Variants in PTCD2 observed in about 807,000 individuals in gnomAD.
PTCD2 encodes pentatricopeptide repeat domain 2.
Under a neutral mutation model 42.6 loss-of-function variants are expected in PTCD2, and 31 were observed. That is an observed-to-expected ratio of 0.73 (90% CI 0.55 to 0.98). The LOEUF is 0.98. Ranked by LOEUF, PTCD2 falls within the 50% of genes least tolerant of loss-of-function variation. The pLI is 0.00. For synonymous variants in PTCD2, 183 were observed against 170.9 expected, an observed-to-expected ratio of 1.07 and a Z score of -0.55; for missense variants, 476 against 454.8, an observed-to-expected ratio of 1.05 and a Z score of -0.42.
Position 72,342,984 on chromosome 5 carries a change from C to G in PTCD2, c.776C>G (p.Ser259Cys). 6.3e-7 allele frequency: 1 copy of G among 1,599,082 alleles called. No homozygotes were observed. Among genetic ancestry groups the G allele is most frequent in the Non-Finnish European group, 8.5e-7 (1 of 1,172,550 alleles). The change falls in exon 8 of 10, where the codon TCC becomes TGC. Residue 259 changes from serine to cysteine, a missense_variant. Transcript: ENST00000380639. ...TAGAATGAGATGGCAAAAGCTGTGT[C>G]CATTTTTTCTCAAATCATGAATCCA... ...LNQNEMAKAV[S>C]IFSQIMNPES...
chr5:72,345,401 T>A (rs961773552), intron 8 of PTCD2, among the ~76,000 whole-genome samples: 1 of 152,180 alleles, frequency 6.6e-6, no homozygotes, highest in Non-Finnish European at 1.5e-5. Flanking sequence ...TACAAACAAT[T>A]TGTGCAGTTA....
chr5:72,348,275 T>G (rs1056794509), intron 8 of PTCD2, among the ~76,000 whole-genome samples: 2 of 152,222 alleles, frequency 1.3e-5, no homozygotes, highest in African/African-American at 4.8e-5. Context: ...GGCAGCTTAT[T>G]AATTATTGAG....
chr5:72,327,616 G>A (rs979244067), intron 3 of PTCD2, among the ~76,000 whole-genome samples: 1 of 151,928 alleles, frequency 6.6e-6, no homozygotes, highest in Admixed American at 6.6e-5. Context: ...GGGGTTACAG[G>A]TGCCTGCCAC....
chr5:72,330,630 G>C (rs1411163310), intron 3 of PTCD2, among the ~76,000 whole-genome samples: 1 of 152,176 alleles, frequency 6.6e-6, no homozygotes, highest in Non-Finnish European at 1.5e-5. Context: ...TGGCAGACTG[G>C]CTGCCTGTAG....
Position 72,331,351 on chromosome 5 carries a change from T to C in PTCD2, c.444T>C (p.Ser148=), listed in dbSNP as rs1751430621. ...RLCYELDLEE[S]AVELMKDQHL... ...GTTACGAGTTGGATCTCGAGGAATC[T>C]GCAGTGGAGCTCATGAAAGACCAGG... Residue 148 remains serine, a synonymous_variant, in exon 4 of 10, where the codon TCT becomes TCC. Transcript: ENST00000380639. 1.2e-6 allele frequency: 2 copies of C among 1,612,798 alleles called. No homozygotes were observed. Among genetic ancestry groups the C allele is most frequent in the African/African-American group, 1.3e-5 (1 of 75,032 alleles).
intron 4 of PTCD2, among the ~76,000 whole-genome samples, chr5:72,332,600 C>A (rs921409663): frequency 2.0e-5 from 3 of 151,984 alleles, no homozygotes; most frequent in Non-Finnish European, 4.4e-5. Context: ...TAAATCATAG[C>A]CATGAGTATG....
At position 72,358,334 on chromosome 5, in the gene PTCD2, CA is replaced by C; in HGVS notation, c.1075del (p.Arg359GlyfsTer10). ...TGGATGCTGTGCTCTGCCACACCCC[CA>C]GGGACAGGAAATCTCACACGTTGCT... Reference protein sequence around the residue: ...SLDAVLCHTPRDRKSHTLLLN... With the variant: ...SLDAVLCHTPXDRKSHTLLLN... On this transcript the variant is annotated frameshift_variant, in exon 10 of 10. Transcript: ENST00000380639. LOFTEE classifies it low-confidence loss of function (END_TRUNC). 6.2e-7 allele frequency: 1 copy of C among 1,614,056 alleles called. No homozygotes were observed. The highest frequency in any genetic ancestry group is 8.5e-7 in the Non-Finnish European group (1 of 1,179,988).
At chr5:72,357,847 CTT>C (rs67784172) in intron 9 of PTCD2, among the ~76,000 whole-genome samples, 6 of 144,000 alleles carry the variant, frequency 4.2e-5, no homozygotes, top group African/African-American at 5.1e-5. Flanking sequence ...GTATACCATA[CTT>C]TTTTTTTTTT....
chr5:72,344,314 T>C (rs1326300192), intron 8 of PTCD2, among the ~76,000 whole-genome samples: 1 of 152,056 alleles, frequency 6.6e-6, no homozygotes, highest in Non-Finnish European at 1.5e-5. Flanking sequence ...GAGATCGAGA[T>C]CATCTTGGCC....
chr5:72,352,603 C>T (rs1189070816), intron 8 of PTCD2, 38 bp from the exon 9 acceptor site: 1 of 1,001,134 alleles, frequency 1.0e-6, no homozygotes, highest in East Asian at 2.4e-5. Context: ...GAGACACTCA[C>T]TCAGTCTTGG....
rs1220143580 is a variant in PTCD2 at position 72,360,126 on chromosome 5, T to A, written c.*1699T>A. On this transcript the variant is annotated 3_prime_UTR_variant, in exon 10 of 10. Coordinates refer to ENST00000380639, the MANE Select transcript of PTCD2 (RefSeq NM_024754.5). ...CTTGTCCTTGTGCTCTGTGAAACAT[T>A]GAACAGCCCCATTTAGAGAAACAAA... is the stretch of plus-strand genomic sequence containing the variant. 6.6e-6 allele frequency: 1 copy of A among 151,908 alleles called. No homozygotes were observed. The highest frequency in any genetic ancestry group is 1.5e-5 in the Non-Finnish European group (1 of 68,004). 9.4% of individuals were successfully genotyped at this position (151,908 alleles called of 1,614,324 possible). A position where few individuals can be genotyped will look rare whatever the true frequency, so the allele number is the denominator to read the frequency against.
chr5:72,364,365 A>T lies in PTCD2; in HGVS notation c.*5938A>T, dbSNP rs1343768786. 2.0e-5 allele frequency: 3 copies of T among 152,244 alleles called. No individual in the cohort carries two copies. The highest frequency in any genetic ancestry group is 7.2e-5 in the African/African-American group (3 of 41,474). The allele number at this position is 152,244 out of a possible 1,614,324, so 9.4% of individuals were successfully genotyped here. ...AAGTGCTAAGTCTAGGGTAATCTTC[A>T]TATCACCCTGTGGCATGTATAAAGG... On this transcript the variant is annotated 3_prime_UTR_variant, in exon 10 of 10. Transcript: ENST00000380639.
At chr5:72,335,246 G>A (rs979672789) in intron 5 of PTCD2, 150 bp downstream of exon 5, 27 of 502,706 alleles carry the variant, frequency 5.4e-5, no homozygotes, top group Middle Eastern at 4.0e-4. Flanking sequence ...TCAGGAGATC[G>A]AGACCATCCT....
At chr5:72,333,910 G>C (rs981284476) in intron 4 of PTCD2, among the ~76,000 whole-genome samples, 4 of 152,152 alleles carry the variant, frequency 2.6e-5, no homozygotes, top group African/African-American at 4.8e-5. Context: ...CGGGAATACA[G>C]TGGCACTATT....
chr5:72,320,470 G>A lies in PTCD2; in HGVS notation c.88G>A (p.Gly30Arg), dbSNP rs542507597. 2.8e-5 allele frequency: 45 copies of A among 1,614,138 alleles called. No individual in the cohort carries two copies. In the South Asian group the frequency reaches 4.5e-4, roughly 16 times the overall value. Residue 30 changes from glycine to arginine, a missense_variant, in exon 1 of 10, where the codon GGA becomes AGA. Transcript: ENST00000380639. ...ALQILVYPGV[G>R]GSGSVSCRCP... ...GCAGATTTTGGTGTATCCTGGGGTG[G>A]GAGGCTCCGGCTCTGTCAGCTGCCG...
chr5:72,358,042 C>T (rs1752965311), intron 9 of PTCD2, among the ~76,000 whole-genome samples, 161 bp from the exon 10 acceptor site: 1 of 152,168 alleles, frequency 6.6e-6, no homozygotes, highest in Non-Finnish European at 1.5e-5. Context: ...TCAAGCAGTC[C>T]TCCTGTCTCA....
Position 72,367,623 on chromosome 5 carries a change from A to T in PTCD2, c.*9196A>T, listed in dbSNP as rs1305811071. 2 of 152,200 alleles carry T rather than the reference A, an allele frequency of 1.3e-5. No homozygotes were observed. The allele number at this position is 152,200 out of a possible 1,614,324, so 9.4% of individuals were successfully genotyped here. On this transcript the variant is annotated 3_prime_UTR_variant, in exon 10 of 10. Transcript: ENST00000380639. Reference sequence around the variant, plus strand: ...GTGATTTACCTCACTTATCAAATGAAAAAAACCCAAAACACCTGGTTGATG... The same window carrying T: ...GTGATTTACCTCACTTATCAAATGATAAAAACCCAAAACACCTGGTTGATG...
intron 2 of PTCD2, among the ~76,000 whole-genome samples, chr5:72,323,406 C>G (rs956134903): frequency 2.0e-5 from 3 of 152,198 alleles, no homozygotes; most frequent in African/African-American, 7.2e-5. Context: ...CATTCATTCT[C>G]TCCCTCCTGC....
rs1753096788 is a variant in PTCD2, at chr5:72,361,651, T to C, written c.*3224T>C. 1 of 152,252 alleles carries C rather than the reference T, an allele frequency of 6.6e-6. No homozygotes were observed. Among genetic ancestry groups the C allele is most frequent in the Non-Finnish European group, 1.5e-5 (1 of 68,058 alleles). The allele number at this position is 152,252 out of a possible 1,614,324, so 9.4% of individuals were successfully genotyped here. On this transcript the variant is annotated 3_prime_UTR_variant, in exon 10 of 10. Transcript: ENST00000380639. Reference sequence around the variant, plus strand: ...AATTCTGTGAAACTGTAGTAGATAGTCTGTTTTCTCCCCTGTTTAAAACCT... The same window carrying C: ...AATTCTGTGAAACTGTAGTAGATAGCCTGTTTTCTCCCCTGTTTAAAACCT...
Sources: allele counts gnomAD v4.1 joint callset (sites outside exome capture counted in the v4.1 genomes callset), GRCh38; gene constraint gnomAD v4.1.1; transcripts MANE v1.5; gene names NCBI Gene and HGNC (gene_info 2026-07-23, HGNC 2026-07-21).